GSTCD: variants seen among roughly 807,000 people sequenced by gnomAD.
GSTCD encodes glutathione S-transferase C-terminal domain containing.
GSTCD carries 44 observed loss-of-function variants against 68.3 expected under a neutral mutation model. The ratio of observed to expected loss-of-function variants is 0.64; its 90% CI spans 0.51 to 0.83. The LOEUF (loss-of-function observed/expected upper bound fraction) is 0.83. Among genes scored for constraint, GSTCD ranks in the 40% least tolerant of loss-of-function variants. The pLI, the probability that GSTCD is intolerant of heterozygous loss-of-function variation, is 0.00. For synonymous variants in GSTCD, 273 were observed against 255.2 expected (o/e 1.07, Z -0.67); for missense variants, 739 against 735.9 (o/e 1.00, Z -0.05).
Position 105,767,694 on chromosome 4 carries a change from C to T in GSTCD, c.1240+38195C>T, listed in dbSNP as rs977874677. Among the ~76,000 whole-genome samples the T allele has an allele frequency of 2.6e-5, 4 of 152,240 alleles. No homozygotes were observed. The South Asian group carries it at 8.3e-4, about 32-fold the overall frequency. Reference sequence around the variant, plus strand: ...TATTGAAAAAAACAAAAACTATAAGCCTGTGTCTCTCCTTCAGCCCTGTAG... The same window carrying T: ...TATTGAAAAAAACAAAAACTATAAGTCTGTGTCTCTCCTTCAGCCCTGTAG... On this transcript the variant is annotated intron_variant, in intron 5 of 11. Coordinates refer to ENST00000515279, the MANE Select transcript of GSTCD (RefSeq NM_001370181.1).
intron 1 of GSTCD, among the ~76,000 whole-genome samples, chr4:105,709,885 C>T (rs925901537): frequency 6.6e-6 from 1 of 152,100 alleles, no homozygotes; most frequent in Non-Finnish European, 1.5e-5. Context: ...TAAACATAGT[C>T]ATTTAAATCC....
intron 5 of GSTCD, among the ~76,000 whole-genome samples, chr4:105,759,590 A>G (rs1187996755): frequency 6.6e-6 from 1 of 152,216 alleles, no homozygotes; most frequent in African/African-American, 2.4e-5. Flanking sequence ...CTGAGTCACC[A>G]GCAAAAAGAA....
At chr4:105,755,087 A>G (rs923860178) in intron 5 of GSTCD, among the ~76,000 whole-genome samples, 1 of 114,338 alleles carries the variant, frequency 8.7e-6, no homozygotes, top group Non-Finnish European at 1.8e-5. Context: ...AAAAAAAAAA[A>G]AAAAAAAAAA....
chr4:105,842,062 T>G lies in GSTCD; in HGVS notation c.1696-3T>G. On this transcript the variant is annotated splice_polypyrimidine_tract_variant and splice_region_variant and intron_variant, in intron 10 of 11. Transcript: ENST00000515279. ...ACCCACATTCTATTGCTTTTTCTTT[T>G]AGGAACACATGATTCTGTGCAGATT... 6.2e-7 allele frequency: 1 copy of G among 1,612,878 alleles called. No individual in the cohort carries two copies. Among genetic ancestry groups the G allele is most frequent in the Non-Finnish European group, 8.5e-7 (1 of 1,178,832 alleles).
chr4:105,744,077 G>A (rs1398789582), intron 5 of GSTCD, among the ~76,000 whole-genome samples: 2 of 152,174 alleles, frequency 1.3e-5, no homozygotes, highest in Non-Finnish European at 2.9e-5. Flanking sequence ...TTGCATTAAG[G>A]TGAAACAGTT....
At chr4:105,731,381 T>C (rs1283910085) in intron 5 of GSTCD, among the ~76,000 whole-genome samples, 2 of 152,212 alleles carry the variant, frequency 1.3e-5, no homozygotes, top group Non-Finnish European at 2.9e-5. Flanking sequence ...TGTTCTTCCA[T>C]TTGTTTGTGT....
intron 3 of GSTCD, among the ~76,000 whole-genome samples, chr4:105,725,483 T>A (rs1462597678): frequency 6.6e-6 from 1 of 152,172 alleles, no homozygotes; most frequent in Non-Finnish European, 1.5e-5. Flanking sequence ...TTGTTCCACA[T>A]GCGCACCATC....
At chr4:105,776,871 G>A (rs934101606) in intron 5 of GSTCD, among the ~76,000 whole-genome samples, 1 of 152,104 alleles carries the variant, frequency 6.6e-6, no homozygotes, top group African/African-American at 2.4e-5. Flanking sequence ...TAAGGAAATT[G>A]TGTTGAATGA....
chr4:105,730,199 A>G (rs1455668636), intron 5 of GSTCD, among the ~76,000 whole-genome samples: 2 of 152,212 alleles, frequency 1.3e-5, no homozygotes, highest in Non-Finnish European at 2.9e-5. Context: ...GCCGCAATGA[A>G]CATACATGTG....
intron 3 of GSTCD, among the ~76,000 whole-genome samples, chr4:105,721,094 C>T (rs1363013246): frequency 6.6e-6 from 1 of 151,924 alleles, no homozygotes; most frequent in African/African-American, 2.4e-5. Flanking sequence ...GCCTCAGCCT[C>T]CCAAGTAGCT....
intron 5 of GSTCD, among the ~76,000 whole-genome samples, chr4:105,743,979 A>C (rs542154538): frequency 6.6e-6 from 1 of 152,082 alleles, no homozygotes; most frequent in Non-Finnish European, 1.5e-5. Flanking sequence ...ATTCTTTTAC[A>C]TCGTTATAGT....
In GSTCD at chr4:105,756,580, GTATA is replaced by G. The variant is rs3055930; in HGVS notation, c.1240+27100_1240+27103del. Reference sequence around the variant, plus strand: ...TGTATATATATGTGTGTGTGTGTGTGTATATATATATATATATATATAATATGTC... The same window carrying G: ...TGTATATATATGTGTGTGTGTGTGTGTATATATATATATATATAATATGTC... On this transcript the variant is annotated intron_variant, in intron 5 of 11. Transcript: ENST00000515279. Among the ~76,000 whole-genome samples, 1,391 of 142,208 alleles carry G rather than the reference GTATA, an allele frequency of 9.8e-3. 14 individuals carry two copies. Among genetic ancestry groups the G allele is most frequent in the African/African-American group, 0.028 (1,086 of 38,986 alleles). The allele number at this position is 142,208 out of a possible 152,430, so 93.3% of individuals were successfully genotyped here.
chr4:105,718,081 T>A (rs1248331841), intron 2 of GSTCD, 42 bp downstream of exon 2: 1 of 1,443,606 alleles, frequency 6.9e-7, no homozygotes, highest in Non-Finnish European at 9.4e-7. Flanking sequence ...AGCTACACAG[T>A]GATAACATAA....
intron 5 of GSTCD, among the ~76,000 whole-genome samples, chr4:105,745,200 A>G (rs1301946209): frequency 6.6e-6 from 1 of 152,174 alleles, no homozygotes; most frequent in Non-Finnish European, 1.5e-5. Flanking sequence ...CTATACCCAC[A>G]TTTGTGTGAA....
At chr4:105,722,791 T>G (rs919186120) in intron 3 of GSTCD, among the ~76,000 whole-genome samples, 9 of 151,864 alleles carry the variant, frequency 5.9e-5, no homozygotes, top group Non-Finnish European at 8.8e-5. Flanking sequence ...TTCTTGTCCT[T>G]AAAGAACTCT....
At chr4:105,787,001 T>C (rs1229555068) in intron 5 of GSTCD, among the ~76,000 whole-genome samples, 4 of 152,078 alleles carry the variant, frequency 2.6e-5, no homozygotes, top group Non-Finnish European at 5.9e-5. Flanking sequence ...CCCACGAGAA[T>C]TGAAAACATA....
intron 5 of GSTCD, among the ~76,000 whole-genome samples, chr4:105,814,873 G>A (rs1012982416): frequency 2.3e-4 from 35 of 152,164 alleles, no homozygotes; most frequent in African/African-American, 8.2e-4. Flanking sequence ...TCCTTAGAAA[G>A]GGAAAAGGAA....
chr4:105,842,295 G>C (rs1027315902), intron 11 of GSTCD, among the ~76,000 whole-genome samples, 161 bp downstream of exon 11: 1 of 152,072 alleles, frequency 6.6e-6, no homozygotes, highest in African/African-American at 2.4e-5. Flanking sequence ...TATTGAAAAG[G>C]GTATTGTAAC....
chr4:105,732,966 G>A lies in GSTCD; in HGVS notation c.1240+3467G>A, dbSNP rs185689255. Among the ~76,000 whole-genome samples the A allele has an allele frequency of 3.0e-4, 46 of 152,312 alleles. No individual in the cohort carries two copies. In the East Asian group the frequency reaches 8.1e-3, roughly 27 times the overall value. ...TTATGTACCCAGTAGTCATTCAGGA[G>A]CAGGTTGTTCAGTTTCCATGTAGTT... is the stretch of plus-strand genomic sequence containing the variant. On this transcript the variant is annotated intron_variant, in intron 5 of 11. Transcript: ENST00000515279.
Sources: allele counts gnomAD v4.1 joint callset (sites outside exome capture counted in the v4.1 genomes callset), GRCh38; gene constraint gnomAD v4.1.1; transcripts MANE v1.5; gene names NCBI Gene and HGNC (gene_info 2026-07-23, HGNC 2026-07-21).